The following EFNA2 variants were observed in gnomAD, a reference collection of about 807,000 sequenced individuals.
EFNA2 encodes ephrin A2.
EFNA2 carries 18 observed loss-of-function variants against 19.7 expected under a neutral mutation model. The observed-to-expected ratio is 0.91, with a 90% confidence interval of 0.63 to 1.35. The LOEUF is 1.35. Among genes scored for constraint, EFNA2 ranks in the 40% most tolerant of loss-of-function variants. EFNA2 has a pLI of 0.00. For synonymous variants in EFNA2, 187 were observed against 137.8 expected, an observed-to-expected ratio of 1.36 and a Z score of -2.50; for missense variants, 303 against 296.0, an observed-to-expected ratio of 1.02 and a Z score of -0.17.
rs1464247373 is a variant in EFNA2, at chr19:1,297,411, A to G, written c.455-1140A>G. On this transcript the variant is annotated intron_variant, in intron 2 of 3. Transcript: ENST00000215368. This position sits in a 1 kb window ranked among gnomAD's most constrained non-coding sequence, Gnocchi z 5.0. ...TTTCTGAGACGGCAGTTTCATAAAGATAATTATTGTAATTATTCGTCCTAC... is the reference window on the plus strand; with the variant it reads ...TTTCTGAGACGGCAGTTTCATAAAGGTAATTATTGTAATTATTCGTCCTAC... Among the ~76,000 whole-genome samples, 7 of 152,170 alleles carry G rather than the reference A, an allele frequency of 4.6e-5. No homozygotes were observed. The highest frequency in any genetic ancestry group is 1.7e-4 in the African/African-American group (7 of 41,420).
Position 1,297,240 on chromosome 19 carries a change from T to C in EFNA2, c.455-1311T>C, listed in dbSNP as rs2081520026. Among the ~76,000 whole-genome samples, 1 of 152,112 alleles carries C rather than the reference T, an allele frequency of 6.6e-6. No individual in the cohort carries two copies. Among genetic ancestry groups the C allele is most frequent in the African/African-American group, 2.4e-5 (1 of 41,416 alleles). On this transcript the variant is annotated intron_variant, in intron 2 of 3. Transcript: ENST00000215368. The surrounding 1 kb of genome is among the most constrained non-coding windows in gnomAD (Gnocchi z 5.0). The stretch of plus-strand genomic sequence containing the variant: ...GTGCCTGGACACCCAGCTCCTGCTG[T>C]GTGAAATTAAACTTTACAAGGCCCC...
chr19:1,294,027 G>T lies in EFNA2; in HGVS notation c.141-1518G>T, dbSNP rs572656585. On this transcript the variant is annotated intron_variant, in intron 1 of 3. Transcript: ENST00000215368. The surrounding 1 kb of genome is among the most constrained non-coding windows in gnomAD (Gnocchi z 5.8). ...GCTCACCCCTGCAGGCCGGGGTGGC[G>T]GTGGCTGTGCCGGGCTAGAGGCAGT... is the stretch of plus-strand genomic sequence containing the variant. Among the ~76,000 whole-genome samples the T allele has an allele frequency of 6.6e-6, 1 of 152,232 alleles. No homozygotes were observed. Among genetic ancestry groups the T allele is most frequent in the Non-Finnish European group, 1.5e-5 (1 of 68,032 alleles).
rs889678140 is a variant in EFNA2 at position 1,295,206 on chromosome 19, C to A, written c.141-339C>A. Among the ~76,000 whole-genome samples, 7 of 152,140 alleles carry A rather than the reference C, an allele frequency of 4.6e-5. No homozygotes were observed. The highest frequency in any genetic ancestry group is 7.4e-5 in the Non-Finnish European group (5 of 68,004). ...CATTCAGGGCCCAGGCGGAGTCCAC[C>A]TTGTGAACTGACCCCTCCCCCATTC... On this transcript the variant is annotated intron_variant, in intron 1 of 3. Transcript: ENST00000215368. The surrounding 1 kb of genome is among the most constrained non-coding windows in gnomAD (Gnocchi z 5.8).
rs527532366 is a variant in EFNA2 at position 1,297,709 on chromosome 19, A to T, written c.455-842A>T. 2.6e-5 allele frequency among the ~76,000 whole-genome samples: 4 copies of T among 152,084 alleles called. No individual in the cohort carries two copies. The highest frequency in any genetic ancestry group is 5.9e-5 in the Non-Finnish European group (4 of 68,022). On this transcript the variant is annotated intron_variant, in intron 2 of 3. Coordinates refer to ENST00000215368, the MANE Select transcript of EFNA2 (RefSeq NM_001405.4). The surrounding 1 kb of genome is among the most constrained non-coding windows in gnomAD (Gnocchi z 5.0). ...GCAGACGCCCCCACTGCACTCCAGG[A>T]TGCTTCTGGGGGCCCGAAAGCAGGG... is the stretch of plus-strand genomic sequence containing the variant.
At position 1,287,090 on chromosome 19, in the gene EFNA2, G is replaced by C. The variant is rs973656629; in HGVS notation, c.140+782G>C. ...GAGATGCCGCACCCGCCTGCTGCAG[G>C]CCCCCTTGTTTTGAACCAGGTCCGG... On this transcript the variant is annotated intron_variant, in intron 1 of 3. Transcript: ENST00000215368. The surrounding 1 kb of genome is among the most constrained non-coding windows in gnomAD (Gnocchi z 6.2). 6.6e-6 allele frequency among the ~76,000 whole-genome samples: 1 copy of C among 152,230 alleles called. No homozygotes were observed. The highest frequency in any genetic ancestry group is 2.4e-5 in the African/African-American group (1 of 41,466).
In EFNA2 at chr19:1,287,396, C is replaced by G. The variant is rs118162512; in HGVS notation, c.140+1088C>G. 0.024 allele frequency among the ~76,000 whole-genome samples: 3,719 copies of G among 152,204 alleles called. 89 individuals carry two copies. Among genetic ancestry groups the G allele is most frequent in the Middle Eastern group, 0.085 (25 of 294 alleles). ...GCTGAGGCGGCCCCCCCCCACTCTT[C>G]TGCTACTGGTCACTTTCTCTCCGTT... On this transcript the variant is annotated intron_variant, in intron 1 of 3. Coordinates refer to ENST00000215368, the MANE Select transcript of EFNA2 (RefSeq NM_001405.4). The surrounding 1 kb of genome is among the most constrained non-coding windows in gnomAD (Gnocchi z 6.2).
intron 1 of EFNA2, among the ~76,000 whole-genome samples, chr19:1,293,875 C>T (rs535359373): frequency 1.3e-5 from 2 of 152,390 alleles, no homozygotes; most frequent in South Asian, 2.1e-4. Flanking sequence ...ACCCAGGAAC[C>T]CCCGGCCCCG....
intron 1 of EFNA2, among the ~76,000 whole-genome samples, chr19:1,290,810 A>ACG (rs2081487860): frequency 6.6e-6 from 1 of 152,162 alleles, no homozygotes; most frequent in African/African-American, 2.4e-5. Context: ...CGCCCCAGAC[A>ACG]CGCGGCTGGA....
rs2081542997 is a variant in EFNA2 at position 1,301,382 on chromosome 19, C to T, written c.*1437C>T. ...CGGGCCTCCCTCTTCCCGTCACAAT[C>T]AACTTTGGATTCTGTATTTTTTTAT... On this transcript the variant is annotated 3_prime_UTR_variant, in exon 4 of 4. Transcript: ENST00000215368. Among the ~76,000 whole-genome samples the T allele has an allele frequency of 6.6e-6, 1 of 151,672 alleles. No homozygotes were observed. The highest frequency in any genetic ancestry group is 2.1e-4 in the South Asian group (1 of 4,824).
chr19:1,292,338 C>T (rs1385288276), intron 1 of EFNA2, among the ~76,000 whole-genome samples: 1 of 152,258 alleles, frequency 6.6e-6, no homozygotes. Flanking sequence ...GACCTGCCCT[C>T]CAACACACAC....
rs1282803953 is a variant in EFNA2 at position 1,295,760 on chromosome 19, C to T, written c.356C>T (p.Ala119Val). 3 of 1,604,734 alleles carry T rather than the reference C, an allele frequency of 1.9e-6. No individual in the cohort carries two copies. Among genetic ancestry groups the T allele is most frequent in the African/African-American group, 1.3e-5 (1 of 74,358 alleles). The change falls in exon 2 of 4, where the codon GCG (alanine) becomes GTG (valine). Residue 119 changes from alanine (A) to valine (V), a missense_variant. Coordinates refer to ENST00000215368, the MANE Select transcript of EFNA2 (RefSeq NM_001405.4). The surrounding 1 kb of genome is among the most constrained non-coding windows in gnomAD (Gnocchi z 5.8). ...FKRWECNRPA[A>V]PGGPLKFSEK... ...CGCTGGGAGTGCAACCGGCCCGCGGCGCCCGGGGGGCCGCTCAAGTTCTCG... is the reference window on the plus strand; with the variant it reads ...CGCTGGGAGTGCAACCGGCCCGCGGTGCCCGGGGGGCCGCTCAAGTTCTCG...
chr19:1,288,497 T>A (rs1181603555), intron 1 of EFNA2, among the ~76,000 whole-genome samples: 1 of 151,372 alleles, frequency 6.6e-6, no homozygotes, highest in African/African-American at 2.4e-5. Flanking sequence ...GGACCCCAAG[T>A]CTTTGAGAGG....
Position 1,295,408 on chromosome 19 carries a change from C to G in EFNA2, c.141-137C>G. 1.1e-6 allele frequency: 1 copy of G among 885,060 alleles called. No homozygotes were observed. The highest frequency in any genetic ancestry group is 1.6e-6 in the Non-Finnish European group (1 of 611,926). The allele number at this position is 885,060 out of a possible 1,614,324, so 54.8% of individuals were successfully genotyped here. A position where few individuals can be genotyped will look rare whatever the true frequency, so the allele number is the denominator to read the frequency against. On this transcript the variant is annotated intron_variant, in intron 1 of 3. Coordinates refer to ENST00000215368, the MANE Select transcript of EFNA2 (RefSeq NM_001405.4). This position sits in a 1 kb window ranked among gnomAD's most constrained non-coding sequence, Gnocchi z 5.8. The stretch of plus-strand genomic sequence containing the variant: ...CGCACCCTGACCCGTCCCCCGTGCT[C>G]CTGACCCCGGCCCTCGCCGCGCACC...
chr19:1,295,286 C>T lies in EFNA2; in HGVS notation c.141-259C>T, dbSNP rs1420034955. 6.6e-6 allele frequency among the ~76,000 whole-genome samples: 1 copy of T among 152,138 alleles called. No individual in the cohort carries two copies. Among genetic ancestry groups the T allele is most frequent in the Non-Finnish European group, 1.5e-5 (1 of 67,982 alleles). On this transcript the variant is annotated intron_variant, in intron 1 of 3. Coordinates refer to ENST00000215368, the MANE Select transcript of EFNA2 (RefSeq NM_001405.4). The surrounding 1 kb of genome is among the most constrained non-coding windows in gnomAD (Gnocchi z 5.8). The stretch of plus-strand genomic sequence containing the variant: ...CCTGACCCGTCCCTCCCCGCTCACC[C>T]TGTCCCGTGCCCTGTGCACCTGTCC...
Position 1,286,204 on chromosome 19 carries a change from G to A in EFNA2, c.36G>A (p.Leu12=), listed in dbSNP as rs974949419. 2.8e-6 allele frequency: 3 copies of A among 1,087,190 alleles called. No individual in the cohort carries two copies. The highest frequency in any genetic ancestry group is 3.4e-5 in the African/African-American group (2 of 58,086). The allele number at this position is 1,087,190 out of a possible 1,614,324, so 67.3% of individuals were successfully genotyped here. The change falls in exon 1 of 4, where the codon CTG becomes CTA. Residue 12 remains leucine (L), a synonymous_variant. Coordinates refer to ENST00000215368, the MANE Select transcript of EFNA2 (RefSeq NM_001405.4). The surrounding 1 kb of genome is among the most constrained non-coding windows in gnomAD (Gnocchi z 5.6). ...CGCAGCGCCCGCTGCTCCCGCTGCT[G>A]CTCCTGCTGTTACCGCTGCCGCCGC... ...APAQRPLLPL[L]LLLLPLPPPP...
At chr19:1,288,111 G>T (rs988686351) in intron 1 of EFNA2, among the ~76,000 whole-genome samples, 2 of 152,250 alleles carry the variant, frequency 1.3e-5, no homozygotes, top group Non-Finnish European at 2.9e-5. Context: ...CACCGAGGCT[G>T]CCTCCTCCTT....
rs1377569048 is a variant in EFNA2, at chr19:1,295,776, C to T, written c.372C>T (p.Leu124=). Residue 124 remains leucine, a synonymous_variant, in exon 2 of 4, where the codon CTC becomes CTT. Coordinates refer to ENST00000215368, the MANE Select transcript of EFNA2 (RefSeq NM_001405.4). This position sits in a 1 kb window ranked among gnomAD's most constrained non-coding sequence, Gnocchi z 5.8. ...GGCCCGCGGCGCCCGGGGGGCCGCTCAAGTTCTCGGAGAAGTTCCAGCTCT... is the reference window on the plus strand; with the variant it reads ...GGCCCGCGGCGCCCGGGGGGCCGCTTAAGTTCTCGGAGAAGTTCCAGCTCT... ...CNRPAAPGGP[L]KFSEKFQLFT... 6 of 1,606,606 alleles carry T rather than the reference C, an allele frequency of 3.7e-6. No homozygotes were observed. Among genetic ancestry groups the T allele is most frequent in the Non-Finnish European group, 5.1e-6 (6 of 1,177,748 alleles).
rs573245003 is a variant in EFNA2 at position 1,296,131 on chromosome 19, C to T, written c.454+273C>T. Among the ~76,000 whole-genome samples the T allele has an allele frequency of 6.6e-6, 1 of 152,208 alleles. No individual in the cohort carries two copies. The highest frequency in any genetic ancestry group is 1.9e-4 in the East Asian group (1 of 5,186). On this transcript the variant is annotated intron_variant, in intron 2 of 3. Transcript: ENST00000215368. This position sits in a 1 kb window ranked among gnomAD's most constrained non-coding sequence, Gnocchi z 4.4. Reference sequence around the variant, plus strand: ...CTCCAGATGTCAAGTGCATGATGGACGTGCCATTCTCCCAACCATCCCGGG... The same window carrying T: ...CTCCAGATGTCAAGTGCATGATGGATGTGCCATTCTCCCAACCATCCCGGG...
At chr19:1,290,630 C>T (rs1361006564) in intron 1 of EFNA2, among the ~76,000 whole-genome samples, 1 of 152,106 alleles carries the variant, frequency 6.6e-6, no homozygotes, top group African/African-American at 2.4e-5. Context: ...GTGTGTTCCC[C>T]GGGACACGGC....
Sources: allele counts gnomAD v4.1 joint callset (sites outside exome capture counted in the v4.1 genomes callset), GRCh38; gene constraint gnomAD v4.1.1; non-coding constraint Gnocchi (gnomAD v3.1); transcripts MANE v1.5; gene names NCBI Gene and HGNC (gene_info 2026-07-23, HGNC 2026-07-21).